LRRIQ3: variants seen among roughly 807,000 people sequenced by gnomAD.
LRRIQ3 encodes the protein leucine rich repeats and IQ motif containing 3, also known as leucine-rich repeat and IQ domain-containing protein 3.
LRRIQ3 carries 75 observed loss-of-function variants against 59.3 expected under a neutral mutation model. The observed-to-expected ratio is 1.26, with a 90% confidence interval of 1.05 to 1.53. LRRIQ3 has a LOEUF of 1.53. Ranked by LOEUF, LRRIQ3 falls within the 40% of genes most tolerant of loss-of-function variation. The pLI is 0.00. For synonymous variants in LRRIQ3, 250 were observed against 231.3 expected, an observed-to-expected ratio of 1.08 and a Z score of -0.73; for missense variants, 831 against 710.0, an observed-to-expected ratio of 1.17 and a Z score of -1.94.
At chr1:74,103,669 A>G (rs1646565135) in intron 5 of LRRIQ3, among the ~76,000 whole-genome samples, 1 of 151,838 alleles carries the variant, frequency 6.6e-6, no homozygotes, top group Admixed American at 6.6e-5. Context: ...TAGAGAATCA[A>G]CTCCTTCACT....
chr1:74,086,491 C>A (rs764047445), intron 5 of LRRIQ3, among the ~76,000 whole-genome samples: 2 of 152,080 alleles, frequency 1.3e-5, no homozygotes, highest in Non-Finnish European at 2.9e-5. Flanking sequence ...TTTTCTAATT[C>A]CTAGTGCTAT....
chr1:74,184,543 A>T (rs1194089485), intron 1 of LRRIQ3, among the ~76,000 whole-genome samples: 1 of 152,162 alleles, frequency 6.6e-6, no homozygotes, highest in Non-Finnish European at 1.5e-5. Flanking sequence ...ATGAGAATAA[A>T]TGTGAAAATC....
intron 7 of LRRIQ3, among the ~76,000 whole-genome samples, chr1:74,039,252 A>C (rs975467331): frequency 6.6e-6 from 1 of 152,222 alleles, no homozygotes; most frequent in Non-Finnish European, 1.5e-5. Context: ...CCTTGCTGAA[A>C]TAAGTCATGA....
chr1:74,115,335 A>C (rs2100574267), intron 4 of LRRIQ3, among the ~76,000 whole-genome samples: 1 of 152,256 alleles, frequency 6.6e-6, no homozygotes, highest in Non-Finnish European at 1.5e-5. Context: ...TTTAACTTTT[A>C]AAAACATCAA....
At chr1:74,048,641 G>T (rs1267112371) in intron 6 of LRRIQ3, among the ~76,000 whole-genome samples, 1 of 151,166 alleles carries the variant, frequency 6.6e-6, no homozygotes, top group African/African-American at 2.4e-5. Flanking sequence ...AAATATAAAA[G>T]TTATTATTCA....
At chr1:74,054,922 G>A (rs1175719543) in intron 6 of LRRIQ3, among the ~76,000 whole-genome samples, 1 of 145,440 alleles carries the variant, frequency 6.9e-6, no homozygotes, top group Non-Finnish European at 1.5e-5. Flanking sequence ...TATATAAAAT[G>A]TATAATTGTA....
intron 6 of LRRIQ3, among the ~76,000 whole-genome samples, chr1:74,057,521 G>A (rs1440947666): frequency 6.6e-6 from 1 of 152,078 alleles, no homozygotes; most frequent in Non-Finnish European, 1.5e-5. Context: ...AATAAATGGT[G>A]CTGCAAACAC....
chr1:74,040,210 G>C (rs1425967461), intron 7 of LRRIQ3, among the ~76,000 whole-genome samples: 2 of 152,122 alleles, frequency 1.3e-5, no homozygotes, highest in Non-Finnish European at 1.5e-5. Flanking sequence ...TTACATAATG[G>C]TAAAGAGATC....
chr1:74,099,074 T>C (rs1308087931), intron 5 of LRRIQ3, among the ~76,000 whole-genome samples: 4 of 151,636 alleles, frequency 2.6e-5, no homozygotes, highest in African/African-American at 9.7e-5. Flanking sequence ...TTGAAGGAGA[T>C]AGAGACACAA....
chr1:74,183,382 T>C (rs1040450788), intron 2 of LRRIQ3, 54 bp downstream of exon 2: 63 of 1,460,310 alleles, frequency 4.3e-5, no homozygotes, highest in Middle Eastern at 2.5e-4. Context: ...TAAGTACTTA[T>C]TATAAGACTG....
chr1:74,136,670 T>C (rs1341870713), intron 4 of LRRIQ3, among the ~76,000 whole-genome samples: 5 of 152,016 alleles, frequency 3.3e-5, no homozygotes, highest in Admixed American at 3.3e-4. Flanking sequence ...AAAATTTTTC[T>C]ATTACTTTGG....
At chr1:74,061,336 C>T (rs1415757732) in intron 6 of LRRIQ3, among the ~76,000 whole-genome samples, 1 of 152,112 alleles carries the variant, frequency 6.6e-6, no homozygotes, top group Non-Finnish European at 1.5e-5. Context: ...AGAATCAATA[C>T]TGTTAATCAA....
intron 5 of LRRIQ3, among the ~76,000 whole-genome samples, chr1:74,094,078 A>C (rs1238179746): frequency 6.6e-6 from 1 of 151,910 alleles, no homozygotes; most frequent in East Asian, 1.9e-4. Flanking sequence ...CCTTCTCACT[A>C]TGTCCTGATA....
chr1:74,140,200 A>G (rs933337563), intron 4 of LRRIQ3, among the ~76,000 whole-genome samples: 3 of 152,044 alleles, frequency 2.0e-5, no homozygotes, highest in Non-Finnish European at 4.4e-5. Flanking sequence ...ATAAAGATAA[A>G]TATACAGAAA....
At chr1:74,072,686 G>A (rs191806240) in intron 6 of LRRIQ3, among the ~76,000 whole-genome samples, 29 of 152,002 alleles carry the variant, frequency 1.9e-4, no homozygotes, top group African/African-American at 6.5e-4. Flanking sequence ...TGATTATGAA[G>A]AGATCTGTAG....
At chr1:74,156,660 C>A (rs2100670107) in intron 3 of LRRIQ3, among the ~76,000 whole-genome samples, 1 of 152,188 alleles carries the variant, frequency 6.6e-6, no homozygotes, top group East Asian at 1.9e-4. Flanking sequence ...AATTGATATA[C>A]TTTGATTCAT....
Position 74,066,187 on chromosome 1 carries a change from G to GA in LRRIQ3, c.997+8473dup, listed in dbSNP as rs71772871. ...GGCAAGAAGAGAGAAACTCTGTCTC[G>GA]AAAAAAAAAAAAAAAAAGTAAAAAT... On this transcript the variant is annotated intron_variant, in intron 6 of 7. Coordinates refer to ENST00000354431, the MANE Select transcript of LRRIQ3 (RefSeq NM_001105659.2). 1.3e-3 allele frequency among the ~76,000 whole-genome samples: 151 copies of GA among 119,836 alleles called. 1 individual carries two copies. Among genetic ancestry groups the GA allele is most frequent in the Middle Eastern group, 4.5e-3 (1 of 224 alleles). 78.6% of individuals were successfully genotyped at this position (119,836 alleles called of 152,430 possible).
intron 6 of LRRIQ3, among the ~76,000 whole-genome samples, chr1:74,054,301 A>T (rs1001530615): frequency 1.3e-5 from 2 of 152,178 alleles, no homozygotes; most frequent in African/African-American, 4.8e-5. Context: ...ATGATTCCAG[A>T]TACTGGTATA....
intron 7 of LRRIQ3, among the ~76,000 whole-genome samples, chr1:74,036,846 C>G (rs541867440): frequency 6.6e-6 from 1 of 152,096 alleles, no homozygotes; most frequent in Non-Finnish European, 1.5e-5. Flanking sequence ...ATGTGCAGGG[C>G]AAATTTACTG....
Sources: allele counts gnomAD v4.1 joint callset (sites outside exome capture counted in the v4.1 genomes callset), GRCh38; gene constraint gnomAD v4.1.1; transcripts MANE v1.5; gene names NCBI Gene and HGNC (gene_info 2026-07-23, HGNC 2026-07-21).